Variants in OPCML observed in about 807,000 individuals in gnomAD.
OPCML encodes opioid binding protein/cell adhesion molecule like, also known as opioid-binding protein/cell adhesion molecule.
Under a neutral mutation model 37.8 loss-of-function variants are expected in OPCML, and 13 were observed. That is an observed-to-expected ratio of 0.34 (90% CI 0.22 to 0.55). The LOEUF (loss-of-function observed/expected upper bound fraction) is 0.55. Ranked by LOEUF, OPCML falls within the 20% of genes least tolerant of loss-of-function variation. OPCML has a pLI of 0.91. For missense variants in OPCML, 341 were observed against 435.6 expected (o/e 0.78, Z 1.93); for synonymous variants, 176 against 168.8 (o/e 1.04, Z -0.33).
At chr11:133,354,193 A>G in intron 1 of OPCML, among the ~76,000 whole-genome samples, 1 of 1,258 alleles carries the variant, frequency 7.9e-4, no homozygotes, top group Non-Finnish European at 1.9e-3. Context: ...GCCATTCACC[A>G]ACCGGTTGAT....
At chr11:132,474,003 A>C (rs530270974) in intron 4 of OPCML, among the ~76,000 whole-genome samples, 2 of 152,210 alleles carry the variant, frequency 1.3e-5, no homozygotes, top group African/African-American at 4.8e-5. Context: ...GGCCTCAGGT[A>C]TGTAGCTGAG....
At position 133,525,875 on chromosome 11, in the gene OPCML, C is replaced by A. The variant is rs559431312; in HGVS notation, c.61+6389G>T. ...ATTCCAATCAACGGCCTGTGTCCCA[C>A]TGCATCAATTCATCTTGGCCTTTCC... On this transcript the variant is annotated intron_variant, in intron 1 of 7. Transcript: ENST00000524381. Among the ~76,000 whole-genome samples, 5 of 152,342 alleles carry A rather than the reference C, an allele frequency of 3.3e-5. No homozygotes were observed. In the South Asian group the frequency reaches 1.0e-3, roughly 32 times the overall value.
chr11:133,047,331 G>A (rs1333306019), intron 1 of OPCML, among the ~76,000 whole-genome samples: 1 of 152,228 alleles, frequency 6.6e-6, no homozygotes, highest in African/African-American at 2.4e-5. Flanking sequence ...TCGTGATGCA[G>A]CTATTCATAC....
chr11:132,500,740 T>G (rs558586165), intron 4 of OPCML, among the ~76,000 whole-genome samples: 3 of 152,042 alleles, frequency 2.0e-5, no homozygotes, highest in Non-Finnish European at 4.4e-5. Flanking sequence ...GTGTGTGATG[T>G]TCCCCTCTCT....
intron 1 of OPCML, among the ~76,000 whole-genome samples, chr11:133,186,102 G>C (rs753609771): frequency 2.2e-4 from 33 of 152,148 alleles, no homozygotes; most frequent in Non-Finnish European, 3.4e-4. Flanking sequence ...TATCCAGCTT[G>C]ATCATTTAGT....
intron 5 of OPCML, 53 bp downstream of exon 5, chr11:132,437,169 C>A: frequency 6.3e-7 from 1 of 1,597,430 alleles, no homozygotes; most frequent in South Asian, 1.1e-5. Context: ...GATTGTCCAC[C>A]TACTCCCTGT....
chr11:132,552,761 C>CCCTTTTTTTTT (rs1337627753), intron 3 of OPCML, among the ~76,000 whole-genome samples: 4 of 67,478 alleles, frequency 5.9e-5, no homozygotes, highest in Admixed American at 2.9e-4. Context: ...TTAAACACTA[C>CCCTTTTTTTTT]TCTTTTTTTT....
At chr11:132,506,298 T>C (rs1227469810) in intron 4 of OPCML, among the ~76,000 whole-genome samples, 1 of 152,310 alleles carries the variant, frequency 6.6e-6, no homozygotes, top group South Asian at 2.1e-4. Flanking sequence ...AGGTTTTCAA[T>C]AAATGTTTAT....
intron 1 of OPCML, among the ~76,000 whole-genome samples, chr11:133,429,378 T>C (rs922831514): frequency 6.6e-6 from 1 of 152,174 alleles, no homozygotes; most frequent in African/African-American, 2.4e-5. Context: ...TTGGATCATA[T>C]AGTCTTTTAC....
chr11:132,760,243 G>A (rs1192097910), intron 2 of OPCML, among the ~76,000 whole-genome samples: 2 of 152,198 alleles, frequency 1.3e-5, no homozygotes, highest in Non-Finnish European at 2.9e-5. Context: ...TAGAAGAAGT[G>A]CTATGTGGTG....
rs542055944 is a variant in OPCML at position 133,437,706 on chromosome 11, C to G, written c.61+94558G>C. ...TCTCCCCTCTCAACCCCGCTCACCT[C>G]TCCCCTCTCAACCCCGCTCACCTCT... On this transcript the variant is annotated intron_variant, in intron 1 of 7. Transcript: ENST00000524381. Among the ~76,000 whole-genome samples the G allele has an allele frequency of 1.6e-3, 241 of 147,228 alleles. 1 individual carries two copies. The highest frequency in any genetic ancestry group is 5.9e-3 in the African/African-American group (229 of 39,030).
intron 2 of OPCML, among the ~76,000 whole-genome samples, chr11:132,677,114 G>A (rs1041710484): frequency 6.6e-6 from 1 of 152,016 alleles, no homozygotes. Flanking sequence ...CAAGAAATAT[G>A]TGGAGACTGA....
rs372360863 is a variant in OPCML at position 132,437,203 on chromosome 11, T to G, written c.643+19A>C. 1.1e-4 allele frequency: 185 copies of G among 1,609,066 alleles called. No individual in the cohort carries two copies. The African/African-American group carries it at 2.2e-3, about 19-fold the overall frequency. On this transcript the variant is annotated intron_variant, in intron 5 of 7. Coordinates refer to ENST00000524381, the MANE Select transcript of OPCML (RefSeq NM_001012393.5). The stretch of plus-strand genomic sequence containing the variant: ...GTGCCGTCTTTTCCCCAGAACCCCC[T>G]GGCTGCAGGTCCACTCACAGTTTAC...
rs566783831 is a variant in OPCML at position 133,289,552 on chromosome 11, G to A, written c.61+242712C>T. On this transcript the variant is annotated intron_variant, in intron 1 of 7. Coordinates refer to ENST00000524381, the MANE Select transcript of OPCML (RefSeq NM_001012393.5). The stretch of plus-strand genomic sequence containing the variant: ...GGAGCTTGCAGTGAGCCGAGATCCC[G>A]CCACTGCACTCCAGCCTGGGCGACA... Among the ~76,000 whole-genome samples the A allele has an allele frequency of 2.0e-3, 264 of 130,622 alleles. 2 individuals are homozygous for A. Among genetic ancestry groups the A allele is most frequent in the African/African-American group, 7.4e-3 (246 of 33,224 alleles). The allele number at this position is 130,622 out of a possible 152,430, so 85.7% of individuals were successfully genotyped here.
intron 2 of OPCML, among the ~76,000 whole-genome samples, chr11:132,861,601 C>T (rs1398800230): frequency 6.6e-6 from 1 of 151,980 alleles, no homozygotes; most frequent in African/African-American, 2.4e-5. Context: ...GTTTGGGAGG[C>T]CGAAGTGGGT....
At chr11:132,991,394 C>T (rs1946772860) in intron 1 of OPCML, among the ~76,000 whole-genome samples, 1 of 152,184 alleles carries the variant, frequency 6.6e-6, no homozygotes, top group African/African-American at 2.4e-5. Context: ...AAATTCCACT[C>T]AATAATGCAT....
intron 2 of OPCML, among the ~76,000 whole-genome samples, chr11:132,762,905 C>T (rs192821179): frequency 1.0e-3 from 152 of 152,190 alleles, no homozygotes; most frequent in Middle Eastern, 3.4e-3. Context: ...CCCAAAGAGC[C>T]GCCCAGTTTT....
chr11:132,536,521 A>G (rs1408810633), intron 3 of OPCML, among the ~76,000 whole-genome samples: 2 of 152,194 alleles, frequency 1.3e-5, no homozygotes, highest in Non-Finnish European at 2.9e-5. Flanking sequence ...TATTGTTTTT[A>G]CTTTATTGTT....
At chr11:132,688,146 G>A (rs1302595901) in intron 2 of OPCML, among the ~76,000 whole-genome samples, 1 of 151,424 alleles carries the variant, frequency 6.6e-6, no homozygotes, top group Non-Finnish European at 1.5e-5. Context: ...AATAATTCCG[G>A]CTTTTCTGTT....
Sources: allele counts gnomAD v4.1 joint callset (sites outside exome capture counted in the v4.1 genomes callset), GRCh38; gene constraint gnomAD v4.1.1; transcripts MANE v1.5; gene names NCBI Gene and HGNC (gene_info 2026-07-23, HGNC 2026-07-21).